Variants in PIEZO2 observed in about 807,000 individuals in gnomAD.
PIEZO2 encodes the protein piezo-type mechanosensitive ion channel component 2.
PIEZO2 carries 172 observed loss-of-function variants against 337.3 expected under a neutral mutation model. The ratio of observed to expected loss-of-function variants is 0.51; its 90% confidence interval spans 0.45 to 0.58. The LOEUF (loss-of-function observed/expected upper bound fraction) is 0.58, where lower values mean the gene tolerates loss of function less well. PIEZO2 is among the 20% of genes least tolerant of loss of function. The pLI is 0.00. For missense variants in PIEZO2, 3,028 were observed against 3,391.3 expected (o/e 0.89, Z 2.66); for synonymous variants, 1,251 against 1,228.5 (o/e 1.02, Z -0.38).
intron 4 of PIEZO2, among the ~76,000 whole-genome samples, chr18:10,898,876 G>A (rs543269570): frequency 6.6e-6 from 1 of 152,282 alleles, no homozygotes; most frequent in African/African-American, 2.4e-5. Flanking sequence ...GCTCAGCAAT[G>A]CCAAGATGGG....
In PIEZO2 at chr18:10,672,684, C is replaced by T. The variant is rs1191262578; in HGVS notation, c.8345+6G>A. ...TGTAACTGTGAATTGTTCAATGAGT[C>T]CTTACCCATAGCCAGCCAGGAACCC... On this transcript the variant is annotated splice_donor_region_variant and intron_variant, in intron 55 of 55. Coordinates refer to ENST00000674853, the MANE Select transcript of PIEZO2 (RefSeq NM_001378183.1). This position sits in a 1 kb window ranked among gnomAD's most constrained non-coding sequence, Gnocchi z 4.7. 2 of 1,613,390 alleles carry T rather than the reference C, an allele frequency of 1.2e-6. No homozygotes were observed.
chr18:11,016,729 GT>G lies in PIEZO2; in HGVS notation c.161-37070del, dbSNP rs1295110093. On this transcript the variant is annotated intron_variant, in intron 2 of 55. Transcript: ENST00000674853. This position sits in a 1 kb window ranked among gnomAD's most constrained non-coding sequence, Gnocchi z 5.6. ...GAAAAACTCCATCAAATAATGTAAT[GT>G]TTTTTCACTGGAGGCAAATTCCTTC... Among the ~76,000 whole-genome samples the G allele has an allele frequency of 6.6e-6, 1 of 152,138 alleles. No homozygotes were observed. The highest frequency in any genetic ancestry group is 1.9e-4 in the East Asian group (1 of 5,194).
chr18:10,963,401 C>A (rs914610507), intron 3 of PIEZO2, among the ~76,000 whole-genome samples: 3 of 152,086 alleles, frequency 2.0e-5, no homozygotes, highest in Non-Finnish European at 2.9e-5. Flanking sequence ...TGTATCTCTG[C>A]CTAGGTACAA....
rs5024299 is a variant in PIEZO2 at position 10,741,013 on chromosome 18, G to A, written c.4708+18C>T. 1,230,387 of 1,534,072 alleles carry A rather than the reference G, an allele frequency of 0.8. 495,207 individuals carry two copies. The highest frequency in any genetic ancestry group is 0.96 in the African/African-American group (70,090 of 73,094). ...GGGTTAGAGTCGATGAGGTTGTAAG[G>A]GGATCGAGAAAACCTACTGGAAGCA... On this transcript the variant is annotated intron_variant, in intron 33 of 55. Transcript: ENST00000674853.
In PIEZO2 at chr18:10,752,641, G is replaced by A. The variant is rs1282091961; in HGVS notation, c.4162C>T (p.Leu1388=). The part of the protein sequence containing the change: ...NVFVITMKNI[L]SIGACGYIGT... ...ATGCAGTGGCAACCACTTACTGACAGGATATTTTTCATCGTAATCACAAAA... is the reference window on the plus strand; with the variant it reads ...ATGCAGTGGCAACCACTTACTGACAAGATATTTTTCATCGTAATCACAAAA... Residue 1388 remains leucine (L), a synonymous_variant, in exon 28 of 56, where the codon CTG becomes TTG. Coordinates refer to ENST00000674853, the MANE Select transcript of PIEZO2 (RefSeq NM_001378183.1). The A allele has an allele frequency of 1.0e-5, 16 of 1,537,004 alleles. No homozygotes were observed. Among genetic ancestry groups the A allele is most frequent in the Non-Finnish European group, 1.4e-5 (16 of 1,146,864 alleles).
At chr18:10,925,245 T>C (rs1371995904) in intron 3 of PIEZO2, among the ~76,000 whole-genome samples, 1 of 152,262 alleles carries the variant, frequency 6.6e-6, no homozygotes, top group Non-Finnish European at 1.5e-5. Context: ...ACATTGCATA[T>C]TTCTACATGA....
intron 44 of PIEZO2, 103 bp downstream of exon 44, chr18:10,698,822 T>TGATAGC (rs2035210337): frequency 7.2e-7 from 1 of 1,379,868 alleles, no homozygotes; most frequent in Non-Finnish European, 9.7e-7. Context: ...GTCTGTCTCT[T>TGATAGC]GATAGCACCC....
At chr18:10,922,369 AC>A (rs1055765760) in intron 3 of PIEZO2, among the ~76,000 whole-genome samples, 9 of 152,150 alleles carry the variant, frequency 5.9e-5, no homozygotes, top group African/African-American at 2.2e-4. Flanking sequence ...TTTTAAAAAA[AC>A]AGAAAAAACG....
intron 3 of PIEZO2, among the ~76,000 whole-genome samples, chr18:10,972,831 A>T (rs962955659): frequency 2.6e-5 from 4 of 152,218 alleles, no homozygotes; most frequent in Non-Finnish European, 5.9e-5. Context: ...TAACAGCAAC[A>T]ACATGAACAA....
intron 21 of PIEZO2, among the ~76,000 whole-genome samples, chr18:10,768,610 G>A (rs2038464402): frequency 6.6e-6 from 1 of 152,186 alleles, no homozygotes; most frequent in South Asian, 2.1e-4. Flanking sequence ...TTGTTTTAAA[G>A]TTAAAGGTGA....
In PIEZO2 at chr18:10,775,591, G is replaced by T. The variant is rs1215254028; in HGVS notation, c.2535-1553C>A. Among the ~76,000 whole-genome samples the T allele has an allele frequency of 6.6e-6, 1 of 152,158 alleles. No individual in the cohort carries two copies. Among genetic ancestry groups the T allele is most frequent in the Admixed American group, 6.5e-5 (1 of 15,278 alleles). On this transcript the variant is annotated intron_variant, in intron 18 of 55. Transcript: ENST00000674853. This position sits in a 1 kb window ranked among gnomAD's most constrained non-coding sequence, Gnocchi z 4.3. ...ATTAACAGAGTGAAACTCAAAGAGG[G>T]GAGGCTGTTTCCACAGCTGCTACTA...
chr18:10,801,108 C>A (rs573383544), intron 10 of PIEZO2, among the ~76,000 whole-genome samples: 1 of 152,190 alleles, frequency 6.6e-6, no homozygotes. Flanking sequence ...GGTGTATGTG[C>A]GCCCATGGGC....
At chr18:10,704,673 A>T in intron 41 of PIEZO2, 21 bp from the exon 42 acceptor site, 1 of 1,527,210 alleles carries the variant, frequency 6.5e-7, no homozygotes, top group Non-Finnish European at 8.8e-7. Context: ...AAACCACATG[A>T]TAATATGTCT....
In PIEZO2 at chr18:10,833,228, G is replaced by A. The variant is rs2040902768; in HGVS notation, c.917+22125C>T. Among the ~76,000 whole-genome samples the A allele has an allele frequency of 6.6e-6, 1 of 152,198 alleles. No homozygotes were observed. Among genetic ancestry groups the A allele is most frequent in the South Asian group, 2.1e-4 (1 of 4,828 alleles). ...GAGCATGGTTGAGGGCTCAGAGACAGAAGCCCAGGGTAACAGGTACCCTGG... is the reference window on the plus strand; with the variant it reads ...GAGCATGGTTGAGGGCTCAGAGACAAAAGCCCAGGGTAACAGGTACCCTGG... On this transcript the variant is annotated intron_variant, in intron 7 of 55. Transcript: ENST00000674853. This position sits in a 1 kb window ranked among gnomAD's most constrained non-coding sequence, Gnocchi z 4.7.
intron 18 of PIEZO2, among the ~76,000 whole-genome samples, chr18:10,776,393 A>C (rs766455079): frequency 2.0e-4 from 31 of 152,244 alleles, no homozygotes; most frequent in Non-Finnish European, 4.4e-4. Flanking sequence ...GTAGATTTTC[A>C]TATATTATGG....
At chr18:11,029,422 CTCTA>C (rs1353324705) in intron 2 of PIEZO2, among the ~76,000 whole-genome samples, 1 of 152,178 alleles carries the variant, frequency 6.6e-6, no homozygotes, top group Non-Finnish European at 1.5e-5. Context: ...GTGCCCTTTT[CTCTA>C]TCTCTGTATC....
intron 28 of PIEZO2, 119 bp downstream of exon 28, chr18:10,752,517 A>G: frequency 8.2e-7 from 1 of 1,214,264 alleles, no homozygotes; most frequent in Non-Finnish European, 1.1e-6. Flanking sequence ...AATTTGCAGC[A>G]TCTTATTGGG....
intron 34 of PIEZO2, among the ~76,000 whole-genome samples, chr18:10,735,760 G>A (rs2036971115): frequency 6.6e-6 from 1 of 152,122 alleles, no homozygotes; most frequent in Non-Finnish European, 1.5e-5. Context: ...TATGTCACTG[G>A]GAAACAAGCA....
At position 11,080,383 on chromosome 18, in the gene PIEZO2, C is replaced by T. The variant is rs768078813; in HGVS notation, c.65-14161G>A. Among the ~76,000 whole-genome samples the T allele has an allele frequency of 2.6e-5, 4 of 152,332 alleles. No homozygotes were observed. The highest frequency in any genetic ancestry group is 5.9e-5 in the Non-Finnish European group (4 of 68,028). ...TTACATATGGCCTTGTAGAATTTCA[C>T]CATCTATACATGCTACTTCCTTGAT... is the stretch of plus-strand genomic sequence containing the variant. On this transcript the variant is annotated intron_variant, in intron 1 of 55. Transcript: ENST00000674853. This position sits in a 1 kb window ranked among gnomAD's most constrained non-coding sequence, Gnocchi z 5.4.
Sources: gnomAD v4.1 joint callset for allele counts (sites outside exome capture counted in the v4.1 genomes callset) on GRCh38, gnomAD v4.1.1 for gene constraint, Gnocchi (gnomAD v3.1) non-coding constraint, MANE v1.5 for transcripts, NCBI Gene and HGNC (gene_info 2026-07-23, HGNC 2026-07-21) for gene names.